Variants in SOCS7 observed in about 807,000 individuals in gnomAD.
SOCS7 encodes the protein NAP-4.
SOCS7 carries 18 observed loss-of-function variants against 58.9 expected under a neutral mutation model. The ratio of observed to expected loss-of-function variants is 0.31; its 90% CI spans 0.21 to 0.45. SOCS7 has a LOEUF of 0.45. Ranked by LOEUF, SOCS7 falls within the 20% of genes least tolerant of loss-of-function variation. The probability of loss-of-function intolerance (pLI) is 1.00; values close to 1 mark genes in which losing one functional copy is unlikely to be tolerated. For synonymous variants in SOCS7, 388 were observed against 364.3 expected (o/e 1.06, Z -0.74); for missense variants, 667 against 837.3 (o/e 0.80, Z 2.51).
chr17:38,381,582 A>G (rs1037785191), intron 7 of SOCS7, among the ~76,000 whole-genome samples: 3 of 152,066 alleles, frequency 2.0e-5, no homozygotes, highest in African/African-American at 7.2e-5. Context: ...AGCAAAAGAA[A>G]CTGAGGTCCA....
chr17:38,401,494 T>C lies in SOCS7; in HGVS notation c.*2012T>C. The C allele has an allele frequency of 6.6e-6, 1 of 152,244 alleles. No homozygotes were observed. Among genetic ancestry groups the C allele is most frequent in the African/African-American group, 2.4e-5 (1 of 41,540 alleles). 9.4% of individuals were successfully genotyped at this position (152,244 alleles called of 1,614,324 possible). On this transcript the variant is annotated 3_prime_UTR_variant, in exon 10 of 10. Transcript: ENST00000612932. ...TTTTCAACCACCCATAATTTTAATATTATTTTTTAGTGTGTGTGTGCCTGG... is the reference window on the plus strand; with the variant it reads ...TTTTCAACCACCCATAATTTTAATACTATTTTTTAGTGTGTGTGTGCCTGG...
intron 6 of SOCS7, among the ~76,000 whole-genome samples, chr17:38,371,625 C>T (rs1212330444): frequency 3.3e-5 from 5 of 149,942 alleles, no homozygotes; most frequent in Non-Finnish European, 7.4e-5. Context: ...CCACCATGCC[C>T]GGCCGGGACG....
intron 7 of SOCS7, among the ~76,000 whole-genome samples, chr17:38,382,265 AAAAAC>A (rs1053464688): frequency 3.3e-5 from 5 of 151,682 alleles, no homozygotes; most frequent in African/African-American, 1.2e-4. Flanking sequence ...TCATCTCTAC[AAAAAC>A]AAAACAAAAC....
intron 9 of SOCS7, among the ~76,000 whole-genome samples, 170 bp from the exon 10 acceptor site, chr17:38,399,343 G>C (rs1269213564): frequency 6.6e-6 from 1 of 152,208 alleles, no homozygotes; most frequent in Non-Finnish European, 1.5e-5. Context: ...CCTGACAAAG[G>C]CCACTGCTGC....
chr17:38,358,980 T>G (rs904078645), intron 1 of SOCS7, among the ~76,000 whole-genome samples: 1 of 152,184 alleles, frequency 6.6e-6, no homozygotes, highest in Non-Finnish European at 1.5e-5. Flanking sequence ...CGTTCTTCAG[T>G]GCTTGGCACT....
chr17:38,397,822 G>T (rs1017617539), intron 9 of SOCS7, among the ~76,000 whole-genome samples: 8 of 152,198 alleles, frequency 5.3e-5, no homozygotes, highest in African/African-American at 1.9e-4. Context: ...GTGTTGTGAG[G>T]AAAGTAAAAC....
chr17:38,352,422 T>C lies in SOCS7; in HGVS notation c.370T>C (p.Leu124=), dbSNP rs755835909. Reference sequence around the variant, plus strand: ...CCCGGCGGCTGGACTAGAGGCGCAGTTGGCGGCTCTGGGGCTCGGGCAGCC... The same window carrying C: ...CCCGGCGGCTGGACTAGAGGCGCAGCTGGCGGCTCTGGGGCTCGGGCAGCC... The part of the protein sequence containing the change: ...WGPAAGLEAQ[L]AALGLGQPAG... Residue 124 remains leucine, a synonymous_variant, in exon 1 of 10, where the codon TTG becomes CTG. Coordinates refer to ENST00000612932, the MANE Select transcript of SOCS7 (RefSeq NM_014598.4). The surrounding 1 kb of genome is among the most constrained non-coding windows in gnomAD (Gnocchi z 5.5). 6.9e-6 allele frequency: 10 copies of C among 1,449,218 alleles called. No individual in the cohort carries two copies. Among genetic ancestry groups the C allele is most frequent in the Non-Finnish European group, 9.0e-6 (10 of 1,106,884 alleles). 89.8% of individuals were successfully genotyped at this position (1,449,218 alleles called of 1,614,324 possible).
chr17:38,389,690 C>A (rs1432438178), intron 7 of SOCS7, among the ~76,000 whole-genome samples: 1 of 124,870 alleles, frequency 8.0e-6, no homozygotes, highest in Non-Finnish European at 1.7e-5. Flanking sequence ...CCTATTCCAA[C>A]TTTTTTTTTT....
rs1188123421 is a variant in SOCS7 at position 38,352,452 on chromosome 17, G to A, written c.400G>A (p.Gly134Arg). 34 of 1,464,812 alleles carry A rather than the reference G, an allele frequency of 2.3e-5. No homozygotes were observed. Among genetic ancestry groups the A allele is most frequent in the East Asian group, 2.5e-5 (1 of 39,240 alleles). The allele number at this position is 1,464,812 out of a possible 1,614,324, so 90.7% of individuals were successfully genotyped here. A position where few individuals can be genotyped will look rare whatever the true frequency, so the allele number is the denominator to read the frequency against. Residue 134 changes from glycine (G) to arginine (R), a missense_variant, in exon 1 of 10, where the codon GGG (glycine) becomes AGG (arginine). Physicochemically the swap from Gly to Arg is moderately radical, Grantham distance 125. Around this residue, in one of 9 missense-constraint regions of SOCS7, gnomAD observed 154 missense variants for 156.3 expected, o/e 0.98. Transcript: ENST00000612932. This position sits in a 1 kb window ranked among gnomAD's most constrained non-coding sequence, Gnocchi z 5.5. ...LAALGLGQPA[G>R]PGVKTVGGGC... The stretch of plus-strand genomic sequence containing the variant: ...GGCTCTGGGGCTCGGGCAGCCGGCG[G>A]GGCCGGGGGTCAAGACAGTCGGTGG...
chr17:38,388,402 C>A (rs1005266781), intron 7 of SOCS7, among the ~76,000 whole-genome samples: 1 of 151,668 alleles, frequency 6.6e-6, no homozygotes, highest in African/African-American at 2.4e-5. Context: ...ACGTGTAGTC[C>A]CAGCTACTCA....
At position 38,365,952 on chromosome 17, in the gene SOCS7, C is replaced by G. The variant is rs979601159; in HGVS notation, c.1253-335C>G. 1.2e-4 allele frequency: 129 copies of G among 1,072,836 alleles called. No homozygotes were observed. In the Admixed American group the frequency reaches 6.6e-3, roughly 55 times the overall value. The allele number at this position is 1,072,836 out of a possible 1,614,324, so 66.5% of individuals were successfully genotyped here. A position where few individuals can be genotyped will look rare whatever the true frequency, so the allele number is the denominator to read the frequency against. ...AGCGAGTCACTATTTCCAAGGCTGC[C>G]TTATCGGCACTTCACTTCGAGGTGG... On this transcript the variant is annotated intron_variant, in intron 4 of 9. Transcript: ENST00000612932.
At chr17:38,397,139 G>A (rs2038254956) in intron 9 of SOCS7, among the ~76,000 whole-genome samples, 1 of 152,182 alleles carries the variant, frequency 6.6e-6, no homozygotes, top group Non-Finnish European at 1.5e-5. Flanking sequence ...TTCATCATAT[G>A]GGAATAAATG....
chr17:38,397,934 G>A (rs1164232584), intron 9 of SOCS7, among the ~76,000 whole-genome samples: 2 of 152,066 alleles, frequency 1.3e-5, no homozygotes, highest in Admixed American at 6.6e-5. Context: ...CAAATATCAA[G>A]GAGCCAGCCA....
chr17:38,353,044 C>CG lies in SOCS7; in HGVS notation c.980+17dup. On this transcript the variant is annotated intron_variant, in intron 1 of 9. Transcript: ENST00000612932. The stretch of plus-strand genomic sequence containing the variant: ...CTGGACGCGGGGAGGTGAGACCGGC[C>CG]GGGGGCTGGCCGACAAACTTCCTTT... The CG allele has an allele frequency of 1.9e-6, 3 of 1,554,914 alleles. No homozygotes were observed. The highest frequency in any genetic ancestry group is 1.4e-5 in the African/African-American group (1 of 73,292).
At chr17:38,390,039 A>G (rs2038150212) in intron 7 of SOCS7, among the ~76,000 whole-genome samples, 1 of 148,710 alleles carries the variant, frequency 6.7e-6, no homozygotes, top group Non-Finnish European at 1.5e-5. Flanking sequence ...CTCCCACCTC[A>G]GCCTCTCAAA....
intron 7 of SOCS7, among the ~76,000 whole-genome samples, chr17:38,382,017 G>GTGACTGA (rs1345226117): frequency 1.3e-5 from 2 of 148,536 alleles, no homozygotes; most frequent in African/African-American, 5.0e-5. Flanking sequence ...CAGTGAGAGT[G>GTGACTGA]TGACTGATGT....
chr17:38,382,252 A>T (rs1364502662), intron 7 of SOCS7, among the ~76,000 whole-genome samples: 1 of 151,564 alleles, frequency 6.6e-6, no homozygotes, highest in Non-Finnish European at 1.5e-5. Context: ...ATGTAGAGAG[A>T]CCTCATCTCT....
intron 7 of SOCS7, among the ~76,000 whole-genome samples, chr17:38,391,118 G>C (rs745350485): frequency 6.6e-6 from 1 of 152,038 alleles, no homozygotes; most frequent in Non-Finnish European, 1.5e-5. Flanking sequence ...TTTATAGCTA[G>C]AGTATAGAAA....
chr17:38,369,797 T>G (rs1257052685), intron 6 of SOCS7, among the ~76,000 whole-genome samples: 4 of 148,916 alleles, frequency 2.7e-5, no homozygotes, highest in Non-Finnish European at 6.0e-5. Flanking sequence ...TTTTGTTTGT[T>G]TTTTTTTTTT....
Sources: gnomAD v4.1 joint callset for allele counts (sites outside exome capture counted in the v4.1 genomes callset) on GRCh38, gnomAD v4.1.1 for gene constraint, gnomAD v4.1.1 regional missense constraint, Gnocchi (gnomAD v3.1) non-coding constraint, MANE v1.5 for transcripts, NCBI Gene and HGNC (gene_info 2026-07-23, HGNC 2026-07-21) for gene names.